Variants in CDH4 observed in about 807,000 individuals in gnomAD.
The protein encoded by CDH4 is cadherin 4, also known as cadherin-4.
Under a neutral mutation model 86.0 loss-of-function variants are expected in CDH4, and 33 were observed. The ratio of observed to expected loss-of-function variants is 0.38; its 90% CI spans 0.29 to 0.51. The LOEUF is 0.51. CDH4 is among the 20% of genes least tolerant of loss of function. CDH4 has a pLI of 0.86. For missense variants in CDH4, 1,114 were observed against 1,307.4 expected (o/e 0.85, Z 2.28); for synonymous variants, 555 against 549.4 (o/e 1.01, Z -0.14).
intron 2 of CDH4, among the ~76,000 whole-genome samples, chr20:61,312,734 G>A (rs1321671108): frequency 1.3e-5 from 2 of 152,112 alleles, no homozygotes; most frequent in African/African-American, 4.8e-5. Flanking sequence ...GGATGTGAGT[G>A]GTTATTAATT....
chr20:61,300,942 C>T (rs974551295), intron 2 of CDH4, among the ~76,000 whole-genome samples: 3 of 152,202 alleles, frequency 2.0e-5, no homozygotes, highest in African/African-American at 4.8e-5. Flanking sequence ...GCTCCCTCCC[C>T]CGGCCCCTGC....
intron 2 of CDH4, among the ~76,000 whole-genome samples, chr20:61,405,010 C>T (rs997005386): frequency 2.6e-5 from 4 of 152,072 alleles, no homozygotes; most frequent in South Asian, 4.2e-4. Flanking sequence ...AGATCGCGCC[C>T]CCGCACTCCA....
At chr20:61,682,514 C>T (rs2087528532) in intron 2 of CDH4, among the ~76,000 whole-genome samples, 1 of 148,980 alleles carries the variant, frequency 6.7e-6, no homozygotes, top group Admixed American at 6.7e-5. Context: ...GATGGACACA[C>T]AGGTGGATGG....
At chr20:61,778,018 CAT>C (rs1460534240) in intron 4 of CDH4, among the ~76,000 whole-genome samples, 8 of 152,258 alleles carry the variant, frequency 5.3e-5, no homozygotes, top group South Asian at 2.1e-4. Context: ...CACATGCACA[CAT>C]GTGCACATAC....
chr20:61,461,528 C>CAAG (rs1410595828), intron 2 of CDH4, among the ~76,000 whole-genome samples: 1 of 152,118 alleles, frequency 6.6e-6, no homozygotes, highest in East Asian at 1.9e-4. Context: ...TGAGTGGGTT[C>CAAG]AAGCAAGGGT....
intron 4 of CDH4, among the ~76,000 whole-genome samples, chr20:61,773,637 G>C (rs544779396): frequency 6.6e-6 from 1 of 152,324 alleles, no homozygotes; most frequent in East Asian, 1.9e-4. Context: ...AAGGCCACCC[G>C]AGATTGCTTT....
rs2087558181 is a variant in CDH4 at position 61,684,973 on chromosome 20, G to A, written c.170-58590G>A. ...GTCCTTAGTCAATTCAGAGTTCCAT[G>A]TATAGTGTAGAGTTGAGTATATGTT... On this transcript the variant is annotated intron_variant, in intron 2 of 15. Transcript: ENST00000614565. This position sits in a 1 kb window ranked among gnomAD's most constrained non-coding sequence, Gnocchi z 4.5. Among the ~76,000 whole-genome samples the A allele has an allele frequency of 2.0e-5, 3 of 152,192 alleles. No individual in the cohort carries two copies. The South Asian group carries it at 6.2e-4, about 32-fold the overall frequency.
At chr20:61,306,309 G>C (rs1360066569) in intron 2 of CDH4, among the ~76,000 whole-genome samples, 1 of 151,326 alleles carries the variant, frequency 6.6e-6, no homozygotes, top group Non-Finnish European at 1.5e-5. Context: ...ATTTGCTACT[G>C]AGTGATGCCG....
chr20:61,385,677 C>G (rs780892659), intron 2 of CDH4, among the ~76,000 whole-genome samples: 1 of 152,172 alleles, frequency 6.6e-6, no homozygotes, highest in Non-Finnish European at 1.5e-5. Flanking sequence ...CACGCTGTAT[C>G]CAGGCTGGCT....
intron 7 of CDH4, among the ~76,000 whole-genome samples, chr20:61,877,241 C>T (rs768647651): frequency 5.3e-5 from 8 of 152,178 alleles, no homozygotes; most frequent in Non-Finnish European, 1.2e-4. Flanking sequence ...TCTCCCCACC[C>T]ACTGGCCAGG....
chr20:61,662,263 C>T (rs1367099487), intron 2 of CDH4, among the ~76,000 whole-genome samples: 1 of 152,194 alleles, frequency 6.6e-6, no homozygotes, highest in East Asian at 1.9e-4. Context: ...TTGGTGAGAG[C>T]GCGTGGGAAT....
chr20:61,757,817 T>C (rs895126065), intron 3 of CDH4, among the ~76,000 whole-genome samples: 1 of 152,136 alleles, frequency 6.6e-6, no homozygotes, highest in Non-Finnish European at 1.5e-5. Context: ...GTACAGACTC[T>C]GTGTCACCTC....
intron 3 of CDH4, among the ~76,000 whole-genome samples, chr20:61,749,972 A>G (rs2088469486): frequency 6.6e-6 from 1 of 152,096 alleles, no homozygotes; most frequent in South Asian, 2.1e-4. Context: ...GAGGCAGGAG[A>G]ATTGCTCGAA....
chr20:61,557,838 C>T (rs1361867495), intron 2 of CDH4, among the ~76,000 whole-genome samples: 2 of 147,470 alleles, frequency 1.4e-5, no homozygotes, highest in African/African-American at 4.9e-5. Context: ...TCTAGTTATA[C>T]GATAATGACG....
intron 2 of CDH4, among the ~76,000 whole-genome samples, chr20:61,711,550 T>A (rs2087893376): frequency 6.6e-6 from 1 of 152,182 alleles, no homozygotes; most frequent in African/African-American, 2.4e-5. Flanking sequence ...CCTCTGACCT[T>A]CCTTCCTCCC....
At chr20:61,608,374 G>C (rs2086660465) in intron 2 of CDH4, among the ~76,000 whole-genome samples, 1 of 152,184 alleles carries the variant, frequency 6.6e-6, no homozygotes, top group Non-Finnish European at 1.5e-5. Context: ...AAAGAGAAGA[G>C]TCTATGAAGA....
chr20:61,573,825 TAAACTC>T (rs1023796615), intron 2 of CDH4, among the ~76,000 whole-genome samples: 4 of 152,186 alleles, frequency 2.6e-5, no homozygotes, highest in African/African-American at 9.7e-5. Flanking sequence ...ACAATTTTGA[TAAACTC>T]AAACACAGGA....
chr20:61,291,448 GTTAGCTGTGTGACCCCGGACA>G (rs1289403916), intron 2 of CDH4, among the ~76,000 whole-genome samples: 1 of 152,226 alleles, frequency 6.6e-6, no homozygotes, highest in Non-Finnish European at 1.5e-5. Flanking sequence ...ACAGGTACCC[GTTAGCTGTGTGACCCCGGACA>G]AGCTTCTCAC....
At chr20:61,520,983 T>G (rs1287219347) in intron 2 of CDH4, among the ~76,000 whole-genome samples, 1 of 152,164 alleles carries the variant, frequency 6.6e-6, no homozygotes, top group Non-Finnish European at 1.5e-5. Context: ...GAATTGAGGT[T>G]GTGGTGGGAA....
Sources: gnomAD v4.1 joint callset for allele counts (sites outside exome capture counted in the v4.1 genomes callset) on GRCh38, gnomAD v4.1.1 for gene constraint, Gnocchi (gnomAD v3.1) non-coding constraint, MANE v1.5 for transcripts, NCBI Gene and HGNC (gene_info 2026-07-23, HGNC 2026-07-21) for gene names.